The following KCNJ5 variants were observed in gnomAD, a reference collection of about 807,000 sequenced individuals.
The protein encoded by KCNJ5 is G protein-activated inward rectifier potassium channel 4.
In KCNJ5, 12 loss-of-function variants were observed where a neutral mutation model predicts 20.2. That is an observed-to-expected ratio of 0.59 (90% CI 0.38 to 0.96). The LOEUF is 0.96. KCNJ5 is among the 40% of genes least tolerant of loss of function. The pLI, the probability that KCNJ5 is intolerant of heterozygous loss-of-function variation, is 0.00. For missense variants in KCNJ5, 449 were observed against 557.6 expected (o/e 0.81, Z 1.96); for synonymous variants, 210 against 213.9 (o/e 0.98, Z 0.16).
intron 1 of KCNJ5, chr11:128,900,463 G>C (rs3740835): frequency 6.6e-6 from 1 of 152,076 alleles, no homozygotes; most frequent in Non-Finnish European, 1.5e-5. Flanking sequence ...ACTTCCTTAG[G>C]CTTGTGGTGG....
Position 128,912,036 on chromosome 11 carries a change from AC to A in KCNJ5, c.764del (p.Thr255LysfsTer20). On this transcript the variant is annotated frameshift_variant, in exon 2 of 3. Transcript: ENST00000529694. LOFTEE classifies it high-confidence loss of function. ...KEGEFIPLNQ[T>X]DINVGFDTGD... ...GGGGGAGTTCATCCCCCTGAACCAG[AC>A]AGACATCAACGTGGGCTTTGACACG... 3.7e-6 allele frequency: 6 copies of A among 1,613,788 alleles called. No homozygotes were observed. The highest frequency in any genetic ancestry group is 5.1e-6 in the Non-Finnish European group (6 of 1,179,770).
chr11:128,902,163 C>G (rs758060281), intron 1 of KCNJ5: 3 of 202,752 alleles, frequency 1.5e-5, no homozygotes, highest in Admixed American at 1.1e-4. Context: ...GCATAAAAAT[C>G]AGCACCTGGG....
In KCNJ5 at chr11:128,911,474, C is replaced by T; in HGVS notation, c.201C>T (p.Val67=). 1 of 1,614,276 alleles carries T rather than the reference C, an allele frequency of 6.2e-7. No individual in the cohort carries two copies. Residue 67 remains valine, a synonymous_variant, in exon 2 of 3, where the codon GTC becomes GTT. Transcript: ENST00000529694. This position sits in a 1 kb window ranked among gnomAD's most constrained non-coding sequence, Gnocchi z 6.3. ...AGTGCAACGTGCACCACGGCAACGT[C>T]CAGGAGACCTACCGGTACCTGAGTG... The part of the protein sequence containing the change: ...SGKCNVHHGN[V]QETYRYLSDL...
At chr11:128,916,368 GGAT>G (rs1175688445) in intron 2 of KCNJ5, 38 bp from the exon 3 acceptor site, 1 of 1,408,826 alleles carries the variant, frequency 7.1e-7, no homozygotes, top group East Asian at 2.3e-5. Context: ...ATAGATGGAT[GGAT>G]GATTGCATCA....
Position 128,910,778 on chromosome 11 carries a change from A to G in KCNJ5, c.-10-486A>G, listed in dbSNP as rs1428870539. Among the ~76,000 whole-genome samples, 3 of 152,208 alleles carry G rather than the reference A, an allele frequency of 2.0e-5. No homozygotes were observed. The East Asian group carries it at 5.8e-4, about 29-fold the overall frequency. ...ATGCCCCTGTGGAGCTTACATTCTG[A>G]TGGTGGGAGAGAGACTGTTTGAATT... On this transcript the variant is annotated intron_variant, in intron 1 of 2. Transcript: ENST00000529694.
At position 128,919,273 on chromosome 11, in the gene KCNJ5, C is replaced by G. The variant is rs765358084; in HGVS notation, c.*2542C>G. ...GACTCTGAAACATCCCCCACCTGAC[C>G]AAGGGAGCCACTCTCCAGTTCTCTC... On this transcript the variant is annotated 3_prime_UTR_variant, in exon 3 of 3. Transcript: ENST00000529694. 1.3e-5 allele frequency: 2 copies of G among 152,506 alleles called. No individual in the cohort carries two copies. Among genetic ancestry groups the G allele is most frequent in the African/African-American group, 2.4e-5 (1 of 41,472 alleles). The allele number at this position is 152,506 out of a possible 1,614,324, so 9.4% of individuals were successfully genotyped here.
At chr11:128,910,139 C>T (rs1262377236) in intron 1 of KCNJ5, among the ~76,000 whole-genome samples, 2 of 152,210 alleles carry the variant, frequency 1.3e-5, no homozygotes, top group East Asian at 3.8e-4. Flanking sequence ...CTTCTGAGTG[C>T]TCAGAAATGT....
intron 2 of KCNJ5, among the ~76,000 whole-genome samples, chr11:128,913,124 TA>T (rs1944526611): frequency 6.6e-6 from 1 of 152,204 alleles, no homozygotes; most frequent in African/African-American, 2.4e-5. Flanking sequence ...CAGAATTTCC[TA>T]AACTCAAAAG....
chr11:128,914,788 G>C (rs963112325), intron 2 of KCNJ5, among the ~76,000 whole-genome samples: 1 of 152,198 alleles, frequency 6.6e-6, no homozygotes, highest in Non-Finnish European at 1.5e-5. Context: ...CTAGCTACAG[G>C]GCAGCCGCTG....
In KCNJ5 at chr11:128,911,820, G is replaced by T. The variant is rs980985953; in HGVS notation, c.547G>T (p.Val183Leu). The T allele has an allele frequency of 1.2e-6, 2 of 1,614,070 alleles. No homozygotes were observed. Among genetic ancestry groups the T allele is most frequent in the Non-Finnish European group, 1.7e-6 (2 of 1,180,036 alleles). The change falls in exon 2 of 3, where the codon GTG becomes TTG. Residue 183 changes from valine to leucine, a missense_variant. Around this residue, in one of 5 missense-constraint regions of KCNJ5, gnomAD observed 203 missense variants for 258.0 expected, o/e 0.79. Transcript: ENST00000529694. This position sits in a 1 kb window ranked among gnomAD's most constrained non-coding sequence, Gnocchi z 6.3. ...GGGCTCCATCGTCAATGCCTTCATG[G>T]TGGGGTGCATGTTTGTCAAGATCAG... ...ILGSIVNAFM[V>L]GCMFVKISQP... is the part of the protein sequence containing the mutation.
At chr11:128,916,007 TGGA>T (rs2136003023) in intron 2 of KCNJ5, among the ~76,000 whole-genome samples, 1 of 149,876 alleles carries the variant, frequency 6.7e-6, no homozygotes, top group Non-Finnish European at 1.5e-5. Context: ...GATGGATGGA[TGGA>T]TGATTGGATG....
intron 1 of KCNJ5, among the ~76,000 whole-genome samples, chr11:128,903,838 C>T (rs1470235435): frequency 2.6e-5 from 4 of 152,128 alleles, no homozygotes; most frequent in Non-Finnish European, 5.9e-5. Context: ...CCCGAGCTGC[C>T]GGGCAGCTTG....
chr11:128,900,133 C>T (rs1944249557), intron 1 of KCNJ5: 1 of 152,342 alleles, frequency 6.6e-6, no homozygotes, highest in East Asian at 1.9e-4. Context: ...TATTTAGACT[C>T]ACTTAGATAC....
In KCNJ5 at chr11:128,911,082, C is replaced by T; in HGVS notation, c.-10-182C>T. ...ATTTTGTGCTAGACTCTGTACTAGGCACCAGGGATACAAAAGAACCCTATA... is the reference window on the plus strand; with the variant it reads ...ATTTTGTGCTAGACTCTGTACTAGGTACCAGGGATACAAAAGAACCCTATA... On this transcript the variant is annotated intron_variant, in intron 1 of 2. Coordinates refer to ENST00000529694, the MANE Select transcript of KCNJ5 (RefSeq NM_000890.5). This position sits in a 1 kb window ranked among gnomAD's most constrained non-coding sequence, Gnocchi z 6.3. 1.6e-6 allele frequency: 1 copy of T among 617,552 alleles called. No individual in the cohort carries two copies. The highest frequency in any genetic ancestry group is 2.9e-6 in the Non-Finnish European group (1 of 347,764). 38.3% of individuals were successfully genotyped at this position (617,552 alleles called of 1,614,324 possible). A position where few individuals can be genotyped will look rare whatever the true frequency, so the allele number is the denominator to read the frequency against.
chr11:128,899,195 C>G (rs777381415), intron 1 of KCNJ5, among the ~76,000 whole-genome samples: 1 of 152,172 alleles, frequency 6.6e-6, no homozygotes, highest in East Asian at 1.9e-4. Context: ...TTGACTCACC[C>G]TCCTGCACCT....
intron 1 of KCNJ5, chr11:128,902,429 C>G: frequency 1.6e-6 from 2 of 1,252,338 alleles, no homozygotes; most frequent in Non-Finnish European, 2.3e-6. Context: ...AGCAGGTTTG[C>G]ACAGGGTGCC....
intron 1 of KCNJ5, among the ~76,000 whole-genome samples, chr11:128,899,138 C>G (rs1223889460): frequency 1.3e-5 from 2 of 152,190 alleles, no homozygotes; most frequent in African/African-American, 2.4e-5. Flanking sequence ...AAGGGCCACT[C>G]AGCCTGGGTT....
At chr11:128,897,403 A>G (rs914904939) in intron 1 of KCNJ5, among the ~76,000 whole-genome samples, 39 of 152,168 alleles carry the variant, frequency 2.6e-4, no homozygotes, top group African/African-American at 9.2e-4. Flanking sequence ...TGGCCTGTTG[A>G]CCATCTTTTT....
intron 2 of KCNJ5, among the ~76,000 whole-genome samples, chr11:128,912,495 T>A (rs1944519569): frequency 8.7e-6 from 1 of 114,314 alleles, no homozygotes; most frequent in African/African-American, 3.6e-5. Flanking sequence ...TAGTGGGTTA[T>A]TGTTGTTGTT....
Sources: allele counts gnomAD v4.1 joint callset (sites outside exome capture counted in the v4.1 genomes callset), GRCh38; gene constraint gnomAD v4.1.1; regional missense constraint gnomAD v4.1.1; non-coding constraint Gnocchi (gnomAD v3.1); transcripts MANE v1.5; gene names NCBI Gene and HGNC (gene_info 2026-07-23, HGNC 2026-07-21).